SCOC: variants seen among roughly 807,000 people sequenced by gnomAD.
SCOC encodes short coiled coil protein.
SCOC carries 7 observed loss-of-function variants against 9.9 expected under a neutral mutation model. The observed-to-expected ratio is 0.71, with a 90% CI of 0.40 to 1.33. The LOEUF is 1.33. SCOC is among the 40% of genes most tolerant of loss of function. The pLI, the probability that SCOC is intolerant of heterozygous loss-of-function variation, is 0.01. For missense variants in SCOC, 66 were observed against 89.7 expected (o/e 0.74, Z 1.07); for synonymous variants, 19 against 28.2 (o/e 0.67, Z 1.03).
intron 1 of SCOC, among the ~76,000 whole-genome samples, chr4:140,276,471 T>TTG (rs1730986062): frequency 6.6e-6 from 1 of 151,666 alleles, no homozygotes; most frequent in Admixed American, 6.6e-5. Flanking sequence ...GTTTGTTTGT[T>TTG]TTGTTTGTTT....
At chr4:140,340,769 G>A (rs1455497891), upstream of SCOC, among the ~76,000 whole-genome samples, 1 of 138,722 alleles carries the variant, frequency 7.2e-6, no homozygotes. Context: ...GGGGATGATA[G>A]CAATGCTGCC....
intron 1 of SCOC, among the ~76,000 whole-genome samples, chr4:140,288,209 C>T (rs1731355089): frequency 2.0e-5 from 3 of 152,008 alleles, no homozygotes; most frequent in Admixed American, 2.0e-4. Flanking sequence ...ACACATCACA[C>T]ATGCACACCC....
intron 1 of SCOC, among the ~76,000 whole-genome samples, chr4:140,280,856 C>G (rs1270645558): frequency 6.6e-6 from 1 of 152,074 alleles, no homozygotes; most frequent in African/African-American, 2.4e-5. Flanking sequence ...TTTAAGAACC[C>G]CTCACATGGA....
At chr4:140,323,874 G>A (rs73855736) in intron 1 of SCOC, among the ~76,000 whole-genome samples, 299 of 152,096 alleles carry the variant, frequency 2.0e-3, no homozygotes, top group African/African-American at 6.9e-3. Flanking sequence ...CATCTGGTGA[G>A]GTAAGCATTA....
intron 1 of SCOC, among the ~76,000 whole-genome samples, chr4:140,279,244 A>G (rs1352211358): frequency 6.6e-6 from 1 of 152,096 alleles, no homozygotes; most frequent in African/African-American, 2.4e-5. Context: ...CTTTGCAGAG[A>G]CCCATCCAGG....
At chr4:140,277,662 A>G (rs1241491661) in intron 1 of SCOC, among the ~76,000 whole-genome samples, 1 of 152,216 alleles carries the variant, frequency 6.6e-6, no homozygotes, top group Non-Finnish European at 1.5e-5. Context: ...TTATTTTCCA[A>G]TTTTTAGTAA....
intron 1 of SCOC, among the ~76,000 whole-genome samples, chr4:140,281,314 T>C (rs540420178): frequency 1.5e-4 from 23 of 152,298 alleles, no homozygotes; most frequent in Non-Finnish European, 3.4e-4. Flanking sequence ...TGAGACTCCT[T>C]CTACCTGGAG....
At chr4:140,378,972 T>C in intron 1 of SCOC, 149 bp from the exon 2 acceptor site, 1 of 584,032 alleles carries the variant, frequency 1.7e-6, no homozygotes, top group South Asian at 2.3e-5. Flanking sequence ...TATCCTTTGC[T>C]TATTTACCCA....
At chr4:140,295,150 G>A (rs1045136494) in intron 1 of SCOC, among the ~76,000 whole-genome samples, 8 of 152,260 alleles carry the variant, frequency 5.3e-5, no homozygotes, top group African/African-American at 1.9e-4. Context: ...AGATAATTGG[G>A]AGATTTTAGT....
intron 1 of SCOC, among the ~76,000 whole-genome samples, chr4:140,317,440 C>T (rs1732354683): frequency 6.6e-6 from 1 of 152,058 alleles, no homozygotes; most frequent in Non-Finnish European, 1.5e-5. Context: ...CTGTTCTGTT[C>T]CGTTCTGATT....
rs1464813789 is a variant in SCOC at position 140,367,337 on chromosome 4, C to T, written c.71-11784C>T. Among the ~76,000 whole-genome samples the T allele has an allele frequency of 3.3e-5, 5 of 152,262 alleles. No individual in the cohort carries two copies. In the East Asian group the frequency reaches 7.7e-4, roughly 23 times the overall value. On this transcript the variant is annotated intron_variant, in intron 2 of 4. Transcript: ENST00000338517. Reference sequence around the variant, plus strand: ...TTTATGCTTGTTAAAAACAGAATCTCCTTTAGTGACCCAGACACATATGAT... The same window carrying T: ...TTTATGCTTGTTAAAAACAGAATCTTCTTTAGTGACCCAGACACATATGAT...
At position 140,266,046 on chromosome 4, in the gene SCOC, G is replaced by T. The variant is rs72714274; in HGVS notation, c.-19+8636G>T. On this transcript the variant is annotated intron_variant, in intron 1 of 4. Transcript: ENST00000394205. ...TCTCAAGGGCTCCTGCTCTCTGCTG[G>T]GTAGGCCTGGTACAATTAATTCTGA... 3.4e-3 allele frequency among the ~76,000 whole-genome samples: 512 copies of T among 152,294 alleles called. 2 individuals carry two copies. The highest frequency in any genetic ancestry group is 6.0e-3 in the Non-Finnish European group (408 of 68,012).
chr4:140,354,075 T>C (rs1727102377), intron 2 of SCOC, among the ~76,000 whole-genome samples: 1 of 152,230 alleles, frequency 6.6e-6, no homozygotes, highest in Non-Finnish European at 1.5e-5. Flanking sequence ...CTTGAAAATC[T>C]TTACTACCTT....
At chr4:140,285,014 C>A (rs562983462) in intron 1 of SCOC, 18 of 321,600 alleles carry the variant, frequency 5.6e-5, no homozygotes, top group South Asian at 4.3e-4. Context: ...TAATGGTTAA[C>A]GTCTTGCACT....
intron 1 of SCOC, among the ~76,000 whole-genome samples, chr4:140,270,309 T>G (rs1238526976): frequency 6.6e-6 from 1 of 151,986 alleles, no homozygotes; most frequent in Non-Finnish European, 1.5e-5. Flanking sequence ...CCTTGGAATT[T>G]GTTAGGGTTA....
Position 140,385,538 on chromosome 4 carries a change from T to G in SCOC, c.*4434T>G, listed in dbSNP as rs67905005. On this transcript the variant is annotated 3_prime_UTR_variant, in exon 4 of 4. Coordinates refer to ENST00000608372, the MANE Select transcript of SCOC (RefSeq NM_001153484.2). Reference sequence around the variant, plus strand: ...AACCAAAATCATGTATGCATTTAGTTCCAACTAGTTAATGTCACATCTCTA... The same window carrying G: ...AACCAAAATCATGTATGCATTTAGTGCCAACTAGTTAATGTCACATCTCTA... The G allele has an allele frequency of 2.6e-4, 39 of 152,208 alleles. No individual in the cohort carries two copies. Among genetic ancestry groups the G allele is most frequent in the African/African-American group, 9.4e-4 (39 of 41,542 alleles). 9.4% of individuals were successfully genotyped at this position (152,208 alleles called of 1,614,324 possible).
intron 1 of SCOC, among the ~76,000 whole-genome samples, chr4:140,330,809 C>G (rs1405756836): frequency 6.6e-6 from 1 of 152,186 alleles, no homozygotes; most frequent in African/African-American, 2.4e-5. Context: ...TTTACAGATT[C>G]TGAATAATTT....
upstream of SCOC, chr4:140,373,603 T>C (rs1401742598): frequency 6.4e-6 from 10 of 1,551,568 alleles, no homozygotes; most frequent in Non-Finnish European, 8.7e-6. Flanking sequence ...GGGATTCTTC[T>C]CACGGCGCAC....
chr4:140,366,154 C>G (rs958628170), intron 2 of SCOC: 1 of 495,930 alleles, frequency 2.0e-6, no homozygotes, highest in Non-Finnish European at 3.3e-6. Flanking sequence ...GCCTTGCTTG[C>G]AATCTTGGGT....
Sources: gnomAD v4.1 joint callset for allele counts (sites outside exome capture counted in the v4.1 genomes callset) on GRCh38, gnomAD v4.1.1 for gene constraint, MANE v1.5 for transcripts, NCBI Gene and HGNC (gene_info 2026-07-23, HGNC 2026-07-21) for gene names.